GRIP2: variants seen among roughly 807,000 people sequenced by gnomAD.
GRIP2 encodes the protein glutamate receptor interacting protein 2.
A neutral mutation model predicts 108.3 loss-of-function variants in GRIP2; 58 were observed. The observed-to-expected ratio is 0.54, with a 90% CI of 0.43 to 0.67. The LOEUF is 0.67. Among genes scored for constraint, GRIP2 ranks in the 30% least tolerant of loss-of-function variants. The pLI is 0.00. For missense variants in GRIP2, 1,278 were observed against 1,430.6 expected, an observed-to-expected ratio of 0.89 and a Z score of 1.72; for synonymous variants, 586 against 598.2, an observed-to-expected ratio of 0.98 and a Z score of 0.30.
In GRIP2 at chr3:14,491,391, T is replaced by C. The variant is rs898306873; in HGVS notation, c.*2274A>G. The C allele has an allele frequency of 1.3e-5, 2 of 151,918 alleles. No homozygotes were observed. Among genetic ancestry groups the C allele is most frequent in the Admixed American group, 6.6e-5 (1 of 15,246 alleles). The allele number at this position is 151,918 out of a possible 1,614,324, so 9.4% of individuals were successfully genotyped here. A position where few individuals can be genotyped will look rare whatever the true frequency, so the allele number is the denominator to read the frequency against. ...ATCTCAGCCAGAGAAAAATACAGCT[T>C]TGGGGGAGAGGGCAGGTGGAAGGGG... is the stretch of plus-strand genomic sequence containing the variant. On this transcript the variant is annotated 3_prime_UTR_variant, in exon 24 of 24. Coordinates refer to ENST00000621039, the MANE Select transcript of GRIP2 (RefSeq NM_001080423.4).
rs1403886917 is a variant in GRIP2 at position 14,534,740 on chromosome 3, CA to C, written c.40+5528del. 3.2e-4 allele frequency among the ~76,000 whole-genome samples: 48 copies of C among 152,290 alleles called. 3 individuals are homozygous for C. The South Asian group carries it at 9.3e-3, about 30-fold the overall frequency. ...GACCTGTGCACCTGGTACTCAGGCC[CA>C]CGCTGCAGCCGGGGTGGGTGGCCTT... On this transcript the variant is annotated intron_variant, in intron 1 of 23. Coordinates refer to ENST00000621039, the MANE Select transcript of GRIP2 (RefSeq NM_001080423.4).
chr3:14,524,198 C>A (rs371830765), intron 4 of GRIP2, 195 bp downstream of exon 4: 1 of 614,066 alleles, frequency 1.6e-6, no homozygotes. Context: ...GCTATAGAGT[C>A]CCACCACCTC....
chr3:14,586,177 ACCT>A, the GRIP2 span, among the ~76,000 whole-genome samples: 3 of 151,794 alleles, frequency 2.0e-5, no homozygotes, highest in Non-Finnish European at 4.4e-5. Context: ...CACAAATGTC[ACCT>A]CCTCTAGAAG....
At chr3:14,498,507 G>A (rs74869169) in intron 21 of GRIP2, among the ~76,000 whole-genome samples, 11 of 152,182 alleles carry the variant, frequency 7.2e-5, no homozygotes, top group South Asian at 6.2e-4. Flanking sequence ...GGGTTGGAGT[G>A]GGGGGGAAGA....
intron 1 of GRIP2, among the ~76,000 whole-genome samples, chr3:14,552,061 CA>C (rs56353814): frequency 0.048 from 7,234 of 150,192 alleles, 242 homozygotes; most frequent in Middle Eastern, 0.097. Flanking sequence ...CTTCTTGATT[CA>C]AAAAAAAAGA....
upstream of GRIP2, among the ~76,000 whole-genome samples, chr3:14,541,471 A>AC (rs1474147377): frequency 1.3e-5 from 2 of 152,100 alleles, no homozygotes; most frequent in Non-Finnish European, 2.9e-5. Flanking sequence ...GTAGTTAGGG[A>AC]CCCGAGGTTT....
chr3:14,545,372 G>A (rs960948588), upstream of GRIP2, among the ~76,000 whole-genome samples: 11 of 152,232 alleles, frequency 7.2e-5, no homozygotes, highest in African/African-American at 4.8e-5. Context: ...CAGTGGCCCC[G>A]AGAAATGCAC....
the GRIP2 span, chr3:14,573,310 C>A: frequency 7.1e-7 from 1 of 1,416,484 alleles, no homozygotes; most frequent in Non-Finnish European, 9.9e-7. Flanking sequence ...GCCAGGTTGC[C>A]AGTGACACCA....
intron 1 of GRIP2, among the ~76,000 whole-genome samples, chr3:14,528,156 C>T (rs1204584976): frequency 1.3e-5 from 2 of 152,204 alleles, no homozygotes; most frequent in African/African-American, 4.8e-5. Context: ...AGTAGAATCA[C>T]TCAGTATGTA....
chr3:14,504,553 G>GC (rs1369176058), intron 20 of GRIP2, among the ~76,000 whole-genome samples: 1 of 152,072 alleles, frequency 6.6e-6, no homozygotes, highest in Non-Finnish European at 1.5e-5. Flanking sequence ...CTCGTGATCT[G>GC]CCCACTTCAG....
upstream of GRIP2, among the ~76,000 whole-genome samples, chr3:14,556,866 A>C (rs1208396720): frequency 6.6e-6 from 1 of 152,250 alleles, no homozygotes; most frequent in Admixed American, 6.5e-5. Context: ...TTATGGTCAC[A>C]GAGCACATAT....
chr3:14,570,144 A>G, the GRIP2 span, among the ~76,000 whole-genome samples: 1 of 152,228 alleles, frequency 6.6e-6, no homozygotes, highest in Non-Finnish European at 1.5e-5. Context: ...AACATGCCCC[A>G]GAGGAGGAAG....
chr3:14,513,224 C>A (rs1305332095), intron 13 of GRIP2, among the ~76,000 whole-genome samples: 1 of 152,200 alleles, frequency 6.6e-6, no homozygotes, highest in African/African-American at 2.4e-5. Flanking sequence ...GTTTTCATTT[C>A]TCTTGGGCAT....
chr3:14,572,611 CAAAAA>C, the GRIP2 span, among the ~76,000 whole-genome samples: 4 of 46,956 alleles, frequency 8.5e-5, no homozygotes, highest in African/African-American at 9.5e-5. Context: ...GACTCCGTCT[CAAAAA>C]AAAAAAAAAA....
At chr3:14,515,702 C>A (rs1054461332) in intron 11 of GRIP2, among the ~76,000 whole-genome samples, 148 of 151,466 alleles carry the variant, frequency 9.8e-4, no homozygotes, top group African/African-American at 3.0e-3. Flanking sequence ...GAAGCGCCAC[C>A]TCGGCTCACT....
intron 1 of GRIP2, among the ~76,000 whole-genome samples, chr3:14,529,278 CAAAAAAAA>C (rs78828207): frequency 2.7e-5 from 3 of 111,100 alleles, no homozygotes; most frequent in Non-Finnish European, 3.6e-5. Flanking sequence ...GACTCCGTCT[CAAAAAAAA>C]AAAAAAAAAA....
At chr3:14,560,355 C>T (rs1362331501), upstream of GRIP2, among the ~76,000 whole-genome samples, 1 of 152,204 alleles carries the variant, frequency 6.6e-6, no homozygotes, top group East Asian at 1.9e-4. Flanking sequence ...CTTCTCTAGA[C>T]TTCTATCCCC....
In GRIP2 at chr3:14,522,839, G is replaced by C. The variant is rs1193336004; in HGVS notation, c.566+161C>G. 3 of 630,834 alleles carry C rather than the reference G, an allele frequency of 4.8e-6. No individual in the cohort carries two copies. The highest frequency in any genetic ancestry group is 8.7e-6 in the Non-Finnish European group (3 of 344,718). The allele number at this position is 630,834 out of a possible 1,614,324, so 39.1% of individuals were successfully genotyped here. A position where few individuals can be genotyped will look rare whatever the true frequency, so the allele number is the denominator to read the frequency against. ...TTCCCTCATTTGGGGTTACATCCCGGTTCCATCAACAACTCCCTGAATGAC... is the reference window on the plus strand; with the variant it reads ...TTCCCTCATTTGGGGTTACATCCCGCTTCCATCAACAACTCCCTGAATGAC... On this transcript the variant is annotated intron_variant, in intron 6 of 23. Coordinates refer to ENST00000621039, the MANE Select transcript of GRIP2 (RefSeq NM_001080423.4). This position sits in a 1 kb window ranked among gnomAD's most constrained non-coding sequence, Gnocchi z 4.3.
In GRIP2 at chr3:14,493,752, C is replaced by G. The variant is rs950681584; in HGVS notation, c.3045G>C (p.Leu1015Phe). ...GCGGCTTGCGGCTGATGATCAGCTC[C>G]AAGACATCACCCGCCTCGGCCAGGA... ...VPLLAEAGDV[L>F]ELIISRKPHT... Residue 1015 changes from leucine (L) to phenylalanine (F), a missense_variant, in exon 24 of 24, where the codon TTG (leucine) becomes TTC (phenylalanine). Leu to Phe is a conservative substitution (Grantham distance 22). Transcript: ENST00000621039. The G allele has an allele frequency of 6.2e-7, 1 of 1,611,616 alleles. No individual in the cohort carries two copies. Among genetic ancestry groups the G allele is most frequent in the African/African-American group, 1.3e-5 (1 of 74,932 alleles).
Sources: gnomAD v4.1 joint callset for allele counts (sites outside exome capture counted in the v4.1 genomes callset) on GRCh38, gnomAD v4.1.1 for gene constraint, Gnocchi (gnomAD v3.1) non-coding constraint, MANE v1.5 for transcripts, NCBI Gene and HGNC (gene_info 2026-07-23, HGNC 2026-07-21) for gene names.